The following ACER2 variants were observed in gnomAD, a reference collection of about 807,000 sequenced individuals.
ACER2 encodes alkaline ceramidase 2, also known as alkCDase 2.
ACER2 carries 26 observed loss-of-function variants against 34.7 expected under a neutral mutation model. The ratio of observed to expected loss-of-function variants is 0.75; its 90% CI spans 0.55 to 1.04. The LOEUF is 1.04. ACER2 is among the 50% of genes least tolerant of loss of function. The pLI is 0.00. For missense variants in ACER2, 352 were observed against 340.8 expected (o/e 1.03, Z -0.26); for synonymous variants, 138 against 132.1 (o/e 1.04, Z -0.31).
chr9:19,437,045 C>G (rs912356681), intron 4 of ACER2, among the ~76,000 whole-genome samples: 1 of 152,206 alleles, frequency 6.6e-6, no homozygotes, highest in Non-Finnish European at 1.5e-5. Context: ...GGTAGGCATT[C>G]TCCAAGATTG....
intron 4 of ACER2, among the ~76,000 whole-genome samples, chr9:19,439,344 C>CTTT (rs55690063): frequency 2.2e-5 from 3 of 138,756 alleles, no homozygotes; most frequent in Non-Finnish European, 3.1e-5. Context: ...AAGGGGCTTG[C>CTTT]TTTTTTTTTT....
intron 4 of ACER2, among the ~76,000 whole-genome samples, chr9:19,444,507 G>C (rs558012833): frequency 2.6e-5 from 4 of 152,168 alleles, no homozygotes; most frequent in African/African-American, 9.7e-5. Context: ...CACCGCGCCC[G>C]GCATAAAATC....
intron 3 of ACER2, among the ~76,000 whole-genome samples, chr9:19,428,776 G>GTTTTTTTTTT (rs10569579): frequency 2.6e-5 from 2 of 77,892 alleles, no homozygotes; most frequent in Admixed American, 1.5e-4. Context: ...GGACAAGTGG[G>GTTTTTTTTTT]TTTTTTTTTT....
chr9:19,418,087 A>T (rs1830289065), intron 1 of ACER2, among the ~76,000 whole-genome samples: 1 of 152,254 alleles, frequency 6.6e-6, no homozygotes, highest in Non-Finnish European at 1.5e-5. Context: ...GCCTACAAAC[A>T]TATGAAAAAA....
chr9:19,445,520 A>C (rs1404426942), intron 4 of ACER2, among the ~76,000 whole-genome samples: 1 of 152,182 alleles, frequency 6.6e-6, no homozygotes, highest in Non-Finnish European at 1.5e-5. Context: ...AGGTGTTGAA[A>C]TTGTTAAAAA....
intron 4 of ACER2, 26 bp downstream of exon 4, chr9:19,435,110 C>G (rs749356331): frequency 3.1e-6 from 5 of 1,612,762 alleles, no homozygotes; most frequent in Non-Finnish European, 4.2e-6. Flanking sequence ...CCTGCCTACC[C>G]TTAGCTGTCC....
chr9:19,414,983 A>G (rs1830199446), intron 1 of ACER2, among the ~76,000 whole-genome samples: 1 of 151,532 alleles, frequency 6.6e-6, no homozygotes. Flanking sequence ...GCTTTTTTGT[A>G]TTTCTTTTGG....
chr9:19,409,975 C>A, intron 1 of ACER2: 1 of 975,912 alleles, frequency 1.0e-6, no homozygotes, highest in Non-Finnish European at 1.2e-6. Context: ...GGAAGGGTTG[C>A]AGCTGGGAGA....
At chr9:19,448,585 A>G (rs1831454255) in intron 5 of ACER2, among the ~76,000 whole-genome samples, 1 of 152,170 alleles carries the variant, frequency 6.6e-6, no homozygotes, top group South Asian at 2.1e-4. Context: ...TTAATATTAT[A>G]TATTGCTAAA....
intron 5 of ACER2, chr9:19,450,119 A>C (rs1456145538): frequency 1.2e-6 from 1 of 843,224 alleles, no homozygotes; most frequent in African/African-American, 1.8e-5. Flanking sequence ...AGATGTGCTC[A>C]GTTACTTCCA....
intron 4 of ACER2, among the ~76,000 whole-genome samples, chr9:19,436,569 T>A (rs77448027): frequency 6.9e-6 from 1 of 144,976 alleles, no homozygotes; most frequent in African/African-American, 2.5e-5. Context: ...GTATTTTTTT[T>A]AAATAAAAAT....
intron 1 of ACER2, among the ~76,000 whole-genome samples, chr9:19,413,189 A>C (rs1830138989): frequency 1.3e-5 from 2 of 152,238 alleles, no homozygotes; most frequent in Non-Finnish European, 2.9e-5. Context: ...AGCCAAGCCT[A>C]ATATCTCTTC....
intron 1 of ACER2, among the ~76,000 whole-genome samples, chr9:19,414,540 T>C (rs904780977): frequency 3.3e-5 from 5 of 152,162 alleles, no homozygotes; most frequent in African/African-American, 1.2e-4. Context: ...CCTAGTACTT[T>C]AGGAGGCTGA....
chr9:19,428,108 T>C (rs1459545798), intron 3 of ACER2, among the ~76,000 whole-genome samples: 1 of 150,070 alleles, frequency 6.7e-6, no homozygotes, highest in African/African-American at 2.5e-5. Flanking sequence ...TCTTTCTCTT[T>C]CTTTTCTTTT....
Position 19,434,960 on chromosome 9 carries a change from G to A in ACER2, c.379G>A (p.Val127Met). Reference sequence around the variant, plus strand: ...TCATGGATTCAGGGGTAGGTTCAAGGTGGTGGTCAGTGTCCTGTCTGCGGT... The same window carrying A: ...TCATGGATTCAGGGGTAGGTTCAAGATGGTGGTCAGTGTCCTGTCTGCGGT... ...IFRNDRGRFK[V>M]VVSVLSAVTT... is the part of the protein sequence containing the mutation. The change falls in exon 4 of 6, where the codon GTG becomes ATG. Residue 127 changes from valine (V) to methionine (M), a missense_variant. Val to Met is a conservative substitution (Grantham distance 21). Coordinates refer to ENST00000340967, the MANE Select transcript of ACER2 (RefSeq NM_001010887.3). 2 of 1,613,784 alleles carry A rather than the reference G, an allele frequency of 1.2e-6. No individual in the cohort carries two copies. The highest frequency in any genetic ancestry group is 1.7e-6 in the Non-Finnish European group (2 of 1,180,022).
At chr9:19,434,640 G>T (rs906151527) in intron 3 of ACER2, among the ~76,000 whole-genome samples, 7 of 152,246 alleles carry the variant, frequency 4.6e-5, no homozygotes, top group African/African-American at 7.2e-5. Context: ...AGGTGTGGCG[G>T]TGCGCGCCTG....
At chr9:19,411,250 T>C (rs1359585764) in intron 1 of ACER2, among the ~76,000 whole-genome samples, 2 of 152,230 alleles carry the variant, frequency 1.3e-5, no homozygotes, top group Non-Finnish European at 2.9e-5. Context: ...ACTTTATTCC[T>C]TGGAATACTC....
intron 3 of ACER2, among the ~76,000 whole-genome samples, chr9:19,428,667 G>A (rs1830656454): frequency 6.6e-6 from 1 of 151,572 alleles, no homozygotes; most frequent in African/African-American, 2.4e-5. Flanking sequence ...TTCCTGATGG[G>A]ATCAGAAATA....
intron 1 of ACER2, 110 bp downstream of exon 1, chr9:19,409,302 C>G (rs1830011956): frequency 1.9e-6 from 2 of 1,064,666 alleles, no homozygotes; most frequent in Non-Finnish European, 2.8e-6. Context: ...TGGGGGCATT[C>G]TCTCCAGGGG....
Sources: allele counts gnomAD v4.1 joint callset (sites outside exome capture counted in the v4.1 genomes callset), GRCh38; gene constraint gnomAD v4.1.1; transcripts MANE v1.5; gene names NCBI Gene and HGNC (gene_info 2026-07-23, HGNC 2026-07-21).